Variants in PAPOLA observed in about 807,000 individuals in gnomAD.
The protein encoded by PAPOLA is polynucleotide adenylyltransferase alpha.
Under a neutral mutation model 100.6 loss-of-function variants are expected in PAPOLA, and 15 were observed. That is an observed-to-expected ratio of 0.15 (90% CI 0.10 to 0.23). The LOEUF (loss-of-function observed/expected upper bound fraction) is 0.23. Ranked by LOEUF, PAPOLA falls within the 10% of genes least tolerant of loss-of-function variation. The probability of loss-of-function intolerance (pLI) is 1.00; values close to 1 mark genes in which losing one functional copy is unlikely to be tolerated. For missense variants in PAPOLA, 533 were observed against 884.2 expected, an observed-to-expected ratio of 0.60 and a Z score of 5.04; for synonymous variants, 293 against 300.0, an observed-to-expected ratio of 0.98 and a Z score of 0.24.
chr14:96,531,791 G>A lies in PAPOLA; in HGVS notation c.607+205G>A, dbSNP rs1899043120. ...GTATTTTATACACTGTATTTCTTCT[G>A]TCATTAATGGTATACTCAGGACACT... On this transcript the variant is annotated intron_variant, in intron 7 of 21. Transcript: ENST00000216277. The A allele has an allele frequency of 3.5e-6, 5 of 1,437,380 alleles. No homozygotes were observed. In the East Asian group the frequency reaches 1.0e-4, roughly 29 times the overall value. 89.0% of individuals were successfully genotyped at this position (1,437,380 alleles called of 1,614,324 possible). A position where few individuals can be genotyped will look rare whatever the true frequency, so the allele number is the denominator to read the frequency against.
intron 1 of PAPOLA, among the ~76,000 whole-genome samples, chr14:96,509,386 T>G (rs1405636158): frequency 6.6e-6 from 1 of 152,186 alleles, no homozygotes; most frequent in East Asian, 1.9e-4. Context: ...TCAATTTTTT[T>G]TGTGTGTATA....
intron 6 of PAPOLA, among the ~76,000 whole-genome samples, chr14:96,530,186 G>A (rs1898871484): frequency 6.6e-6 from 1 of 152,060 alleles, no homozygotes; most frequent in African/African-American, 2.4e-5. Flanking sequence ...TTTTTAGTAT[G>A]TAATCAATTT....
intron 17 of PAPOLA, chr14:96,553,673 C>T (rs1375428442): frequency 6.6e-6 from 1 of 152,326 alleles, no homozygotes; most frequent in Non-Finnish European, 1.5e-5. Flanking sequence ...CCATCATGCC[C>T]AGCTGATTAC....
chr14:96,563,818 T>C (rs1902065460), intron 21 of PAPOLA, among the ~76,000 whole-genome samples: 2 of 150,296 alleles, frequency 1.3e-5, no homozygotes, highest in Middle Eastern at 3.7e-3. Context: ...ATGCTTAATA[T>C]TGATACGTGG....
chr14:96,518,443 C>G (rs1293546156), intron 1 of PAPOLA, among the ~76,000 whole-genome samples: 3 of 151,420 alleles, frequency 2.0e-5, no homozygotes, highest in African/African-American at 7.3e-5. Context: ...GAGTCTCGCT[C>G]TGTCCCCCAG....
intron 15 of PAPOLA, among the ~76,000 whole-genome samples, chr14:96,546,933 C>T (rs1020789694): frequency 1.3e-5 from 2 of 152,066 alleles, no homozygotes; most frequent in African/African-American, 4.8e-5. Flanking sequence ...GCTATTTCAC[C>T]AGGTACTCTC....
chr14:96,518,601 G>A (rs779101896), intron 1 of PAPOLA, among the ~76,000 whole-genome samples: 1 of 151,924 alleles, frequency 6.6e-6, no homozygotes. Flanking sequence ...AGTAGAGACG[G>A]GGTTTCACTG....
intron 21 of PAPOLA, among the ~76,000 whole-genome samples, chr14:96,564,187 A>G (rs1237993257): frequency 1.3e-5 from 2 of 152,086 alleles, no homozygotes; most frequent in East Asian, 1.9e-4. Flanking sequence ...GTTTTGAGAT[A>G]AATCTGGAAA....
At chr14:96,508,931 TG>T (rs1161901451) in intron 1 of PAPOLA, among the ~76,000 whole-genome samples, 1 of 152,210 alleles carries the variant, frequency 6.6e-6, no homozygotes, top group Non-Finnish European at 1.5e-5. Flanking sequence ...AATTGTAGAT[TG>T]GGGCTTAAAT....
intron 1 of PAPOLA, among the ~76,000 whole-genome samples, chr14:96,510,813 A>C (rs887010022): frequency 1.3e-5 from 2 of 152,220 alleles, no homozygotes. Flanking sequence ...CCATCGTTTT[A>C]ATTTCTTAGC....
At position 96,537,177 on chromosome 14, in the gene PAPOLA, C is replaced by T. The variant is rs560918394; in HGVS notation, c.1115+117C>T. 1.8e-5 allele frequency: 12 copies of T among 681,168 alleles called. No homozygotes were observed. The South Asian group carries it at 2.1e-4, about 12-fold the overall frequency. 42.2% of individuals were successfully genotyped at this position (681,168 alleles called of 1,614,324 possible). On this transcript the variant is annotated intron_variant, in intron 12 of 21. Transcript: ENST00000216277. ...TTATTGGAAGAATTTTCTTTCCTGT[C>T]ACAAGGACATACTGTTTTAGTGAAC...
At chr14:96,512,445 T>C (rs1206145292) in intron 1 of PAPOLA, among the ~76,000 whole-genome samples, 2 of 152,214 alleles carry the variant, frequency 1.3e-5, no homozygotes, top group African/African-American at 4.8e-5. Flanking sequence ...TGCCTCAGTA[T>C]AGAGATGATT....
At chr14:96,555,825 T>A in intron 17 of PAPOLA, 22 bp from the exon 18 acceptor site, 1 of 1,315,816 alleles carries the variant, frequency 7.6e-7, no homozygotes, top group East Asian at 2.4e-5. Flanking sequence ...TTTGAGACAA[T>A]TTTTAATTTT....
intron 3 of PAPOLA, among the ~76,000 whole-genome samples, chr14:96,522,370 C>T (rs1046619359): frequency 8.6e-5 from 13 of 151,740 alleles, no homozygotes; most frequent in African/African-American, 1.7e-4. Flanking sequence ...CTGCCCACCT[C>T]GGCCTTTCAA....
intron 11 of PAPOLA, among the ~76,000 whole-genome samples, chr14:96,536,387 G>A (rs956179873): frequency 2.0e-5 from 3 of 152,018 alleles, no homozygotes; most frequent in Admixed American, 2.0e-4. Context: ...CCATTATTTT[G>A]GAGGAACCTT....
intron 19 of PAPOLA, among the ~76,000 whole-genome samples, chr14:96,556,848 G>C (rs920272948): frequency 6.6e-6 from 1 of 152,130 alleles, no homozygotes; most frequent in Non-Finnish European, 1.5e-5. Context: ...AAATACCAGA[G>C]GTTCTCAGGG....
At chr14:96,561,378 A>C (rs888312197) in intron 20 of PAPOLA, among the ~76,000 whole-genome samples, 1 of 152,142 alleles carries the variant, frequency 6.6e-6, no homozygotes, top group African/African-American at 2.4e-5. Flanking sequence ...TCTATGATGG[A>C]TATTTTAACA....
At chr14:96,508,189 A>G (rs1896863321) in intron 1 of PAPOLA, among the ~76,000 whole-genome samples, 2 of 152,038 alleles carry the variant, frequency 1.3e-5, no homozygotes, top group African/African-American at 4.8e-5. Flanking sequence ...TTTTCTGAAC[A>G]CTGTCTGGTG....
At chr14:96,543,162 C>CT (rs1218572442) in intron 14 of PAPOLA, among the ~76,000 whole-genome samples, 2 of 152,138 alleles carry the variant, frequency 1.3e-5, no homozygotes, top group African/African-American at 4.8e-5. Flanking sequence ...TACAGTTCTG[C>CT]TTTAATACTG....
Sources: gnomAD v4.1 joint callset for allele counts (sites outside exome capture counted in the v4.1 genomes callset) on GRCh38, gnomAD v4.1.1 for gene constraint, MANE v1.5 for transcripts, NCBI Gene and HGNC (gene_info 2026-07-23, HGNC 2026-07-21) for gene names.